ANKH: variants seen among roughly 807,000 people sequenced by gnomAD.
ANKH encodes mineralization regulator ANKH.
A neutral mutation model predicts 49.0 loss-of-function variants in ANKH; 15 were observed. The observed-to-expected ratio is 0.31, with a 90% CI of 0.20 to 0.47. The LOEUF is 0.47. Among genes scored for constraint, ANKH ranks in the 20% least tolerant of loss-of-function variants. The probability of loss-of-function intolerance (pLI) is 1.00; values close to 1 mark genes in which losing one functional copy is unlikely to be tolerated. For missense variants in ANKH, 429 were observed against 652.0 expected (o/e 0.66, Z 3.72); for synonymous variants, 273 against 260.0 (o/e 1.05, Z -0.48).
intron 1 of ANKH, among the ~76,000 whole-genome samples, chr5:14,823,542 A>G (rs1308512304): frequency 3.3e-5 from 5 of 152,194 alleles, no homozygotes; most frequent in Non-Finnish European, 5.9e-5. Flanking sequence ...AGAGAGAAAA[A>G]GTGAGTATTT....
intron 1 of ANKH, among the ~76,000 whole-genome samples, chr5:14,787,417 A>C (rs1193126159): frequency 2.0e-5 from 3 of 152,238 alleles, no homozygotes; most frequent in African/African-American, 7.2e-5. Context: ...ACATAAAAAA[A>C]GACCCTAAAA....
chr5:14,751,507 T>A (rs1485882898), intron 4 of ANKH, among the ~76,000 whole-genome samples: 3 of 152,208 alleles, frequency 2.0e-5, no homozygotes, highest in Non-Finnish European at 4.4e-5. Context: ...TTTCAAGGCA[T>A]CTTTTTTAAG....
At chr5:14,830,008 G>A (rs139304223) in intron 1 of ANKH, among the ~76,000 whole-genome samples, 146 of 152,300 alleles carry the variant, frequency 9.6e-4, no homozygotes, top group Non-Finnish European at 1.6e-3. Flanking sequence ...AAGAGGAAGA[G>A]TCACTTATCT....
rs780243758 is a variant in ANKH, at chr5:14,705,235, C to T, written c.*5962G>A. The T allele has an allele frequency of 1.3e-5, 2 of 151,880 alleles. No homozygotes were observed. The highest frequency in any genetic ancestry group is 2.9e-5 in the Non-Finnish European group (2 of 67,994). 9.4% of individuals were successfully genotyped at this position (151,880 alleles called of 1,614,324 possible). A position where few individuals can be genotyped will look rare whatever the true frequency, so the allele number is the denominator to read the frequency against. On this transcript the variant is annotated 3_prime_UTR_variant, in exon 12 of 12. Coordinates refer to ENST00000284268, the MANE Select transcript of ANKH (RefSeq NM_054027.6). Reference sequence around the variant, plus strand: ...TGAAACTGACAAACCTATGGGCTGACAGCCACAGCCCATGTAGAGGAATGA... The same window carrying T: ...TGAAACTGACAAACCTATGGGCTGATAGCCACAGCCCATGTAGAGGAATGA...
intron 4 of ANKH, among the ~76,000 whole-genome samples, chr5:14,755,574 T>A (rs1738859717): frequency 6.6e-6 from 1 of 152,234 alleles, no homozygotes; most frequent in African/African-American, 2.4e-5. Flanking sequence ...TTTATGCTCA[T>A]CTCATGTGCA....
At chr5:14,719,602 TACAC>T (rs1253903706) in intron 8 of ANKH, among the ~76,000 whole-genome samples, 8 of 152,326 alleles carry the variant, frequency 5.3e-5, no homozygotes, top group African/African-American at 1.9e-4. Flanking sequence ...TAGTGTGAAA[TACAC>T]AGAAGGCTAA....
chr5:14,766,105 G>T (rs1270114723), intron 2 of ANKH, among the ~76,000 whole-genome samples: 1 of 152,058 alleles, frequency 6.6e-6, no homozygotes, highest in East Asian at 1.9e-4. Flanking sequence ...AGACAGTGTT[G>T]TGCTGGCCAG....
At position 14,771,727 on chromosome 5, in the gene ANKH, C is replaced by G. The variant is rs185227371; in HGVS notation, c.97-2536G>C. 1.7e-4 allele frequency among the ~76,000 whole-genome samples: 26 copies of G among 152,018 alleles called. No homozygotes were observed. The East Asian group carries it at 4.3e-3, about 25-fold the overall frequency. ...CTTGAGGACAGGAGTTCAAGACAAG[C>G]CTGGCCAACATGGTGAAACCCCGTC... On this transcript the variant is annotated intron_variant, in intron 1 of 11. Coordinates refer to ENST00000284268, the MANE Select transcript of ANKH (RefSeq NM_054027.6).
chr5:14,836,088 C>G (rs1468134847), intron 1 of ANKH, among the ~76,000 whole-genome samples: 1 of 152,166 alleles, frequency 6.6e-6, no homozygotes, highest in African/African-American at 2.4e-5. Context: ...TAAAAACTCT[C>G]AATAAACTAG....
intron 6 of ANKH, among the ~76,000 whole-genome samples, chr5:14,747,347 A>C (rs1580029933): frequency 6.6e-6 from 1 of 152,296 alleles, no homozygotes; most frequent in South Asian, 2.1e-4. Flanking sequence ...TGGGAGGCCA[A>C]GGTTGGAGAA....
rs143894283 is a variant in ANKH at position 14,751,177 on chromosome 5, C to T, written c.579G>A (p.Pro193=). The part of the protein sequence containing the change: ...HLECREPLLI[P]ILSLYMGALV... ...GTGCGCCCATGTACAAGGAGAGGAT[C>T]GGGATGAGCAGGGGCTCCCGGCATT... is the stretch of plus-strand genomic sequence containing the variant. The change falls in exon 5 of 12, where the codon CCG becomes CCA. Residue 193 remains proline (P), a synonymous_variant. Transcript: ENST00000284268. 2.9e-5 allele frequency: 46 copies of T among 1,614,024 alleles called. No homozygotes were observed. Among genetic ancestry groups the T allele is most frequent in the Admixed American group, 1.7e-4 (10 of 60,006 alleles).
chr5:14,793,037 A>AAAATATATATAT (rs1740240245), intron 1 of ANKH, among the ~76,000 whole-genome samples: 1 of 56,230 alleles, frequency 1.8e-5, no homozygotes, highest in African/African-American at 7.8e-5. Flanking sequence ...TATATATAAA[A>AAAATATATATAT]ATATATATAT....
At chr5:14,807,850 C>CG (rs1035329589) in intron 1 of ANKH, among the ~76,000 whole-genome samples, 8 of 151,984 alleles carry the variant, frequency 5.3e-5, no homozygotes, top group Admixed American at 2.0e-4. Context: ...GGTGAGAGGT[C>CG]GGGGGGGTTA....
At chr5:14,786,005 C>T (rs995052460) in intron 1 of ANKH, among the ~76,000 whole-genome samples, 8 of 135,646 alleles carry the variant, frequency 5.9e-5, no homozygotes, top group African/African-American at 2.3e-4. Context: ...GAGATCACGC[C>T]ACTGTATTCT....
chr5:14,805,458 T>C (rs1740680882), intron 1 of ANKH, among the ~76,000 whole-genome samples: 1 of 72,856 alleles, frequency 1.4e-5, no homozygotes, highest in South Asian at 6.8e-4. Flanking sequence ...TATATATATA[T>C]GTACACACAC....
intron 1 of ANKH, among the ~76,000 whole-genome samples, chr5:14,854,665 A>G (rs528351093): frequency 6.6e-6 from 1 of 152,338 alleles, no homozygotes; most frequent in East Asian, 1.9e-4. Context: ...AGCCTGAGTG[A>G]CACAGTAAGA....
chr5:14,736,929 C>T (rs986135675), intron 8 of ANKH, among the ~76,000 whole-genome samples: 1 of 152,224 alleles, frequency 6.6e-6, no homozygotes, highest in South Asian at 2.1e-4. Context: ...GGGTCCCCCT[C>T]TCTTGGCACT....
At chr5:14,762,293 G>T (rs1266251617) in intron 2 of ANKH, among the ~76,000 whole-genome samples, 1 of 152,190 alleles carries the variant, frequency 6.6e-6, no homozygotes, top group Non-Finnish European at 1.5e-5. Context: ...TATTTATGGG[G>T]TCTAAGGACT....
chr5:14,846,833 AAC>A (rs898772597), intron 1 of ANKH, among the ~76,000 whole-genome samples: 7 of 151,778 alleles, frequency 4.6e-5, no homozygotes, highest in Non-Finnish European at 8.8e-5. Context: ...CTCTACTAAA[AAC>A]ACACACACGC....
Sources: allele counts gnomAD v4.1 joint callset (sites outside exome capture counted in the v4.1 genomes callset), GRCh38; gene constraint gnomAD v4.1.1; transcripts MANE v1.5; gene names NCBI Gene and HGNC (gene_info 2026-07-23, HGNC 2026-07-21).